The following TMEM178B variants were observed in gnomAD, a reference collection of about 807,000 sequenced individuals.
TMEM178B encodes the protein transmembrane protein 178B.
A neutral mutation model predicts 31.0 loss-of-function variants in TMEM178B; 5 were observed. The ratio of observed to expected loss-of-function variants is 0.16; its 90% CI spans 0.08 to 0.34. The LOEUF (loss-of-function observed/expected upper bound fraction) is 0.34. Ranked by LOEUF, TMEM178B falls within the 10% of genes least tolerant of loss-of-function variation. The pLI is 1.00. For synonymous variants in TMEM178B, 164 were observed against 164.0 expected (o/e 1.00, Z 0.00); for missense variants, 275 against 400.3 (o/e 0.69, Z 2.67).
chr7:141,287,235 C>G (rs1798460942), intron 2 of TMEM178B, among the ~76,000 whole-genome samples: 2 of 152,144 alleles, frequency 1.3e-5, no homozygotes, highest in Admixed American at 1.3e-4. Flanking sequence ...CATTTAGAGC[C>G]AAATTAGTGG....
At chr7:141,355,933 G>A (rs893748573) in intron 2 of TMEM178B, among the ~76,000 whole-genome samples, 5 of 152,076 alleles carry the variant, frequency 3.3e-5, no homozygotes, top group Admixed American at 1.3e-4. Context: ...TGTACCCAGC[G>A]TTCAGCTCCT....
intron 3 of TMEM178B, among the ~76,000 whole-genome samples, chr7:141,463,773 C>T (rs1407301553): frequency 6.6e-6 from 1 of 152,220 alleles, no homozygotes; most frequent in African/African-American, 2.4e-5. Context: ...AGACAGAATG[C>T]TCTCTAGTGT....
downstream of TMEM178B, among the ~76,000 whole-genome samples, chr7:141,483,527 T>C (rs1802511328): frequency 6.6e-6 from 1 of 152,126 alleles, no homozygotes; most frequent in Non-Finnish European, 1.5e-5. Context: ...CTTCCCCATA[T>C]AAATTGTGCC....
chr7:141,437,785 G>T, intron 3 of TMEM178B, 40 bp downstream of exon 3: 1 of 1,535,184 alleles, frequency 6.5e-7, no homozygotes. Context: ...CAGTGGACAG[G>T]GTCCTGTTTA....
At chr7:141,413,491 G>C (rs1030165383) in intron 2 of TMEM178B, among the ~76,000 whole-genome samples, 1 of 152,192 alleles carries the variant, frequency 6.6e-6, no homozygotes, top group Non-Finnish European at 1.5e-5. Flanking sequence ...GTCAATCATG[G>C]ACAGAGATGT....
intron 1 of TMEM178B, among the ~76,000 whole-genome samples, chr7:141,079,859 T>C (rs1253247227): frequency 2.0e-5 from 3 of 152,194 alleles, no homozygotes; most frequent in Non-Finnish European, 4.4e-5. Flanking sequence ...TTGAGGGAAC[T>C]GAGGCACAGA....
intron 2 of TMEM178B, among the ~76,000 whole-genome samples, chr7:141,314,356 T>A (rs1798965335): frequency 1.3e-5 from 2 of 152,194 alleles, no homozygotes; most frequent in South Asian, 4.1e-4. Flanking sequence ...TTGCAGGATG[T>A]TTATACTCTT....
chr7:141,267,997 G>A (rs1477826034), intron 2 of TMEM178B, among the ~76,000 whole-genome samples: 2 of 152,230 alleles, frequency 1.3e-5, no homozygotes, highest in African/African-American at 2.4e-5. Flanking sequence ...TTGTGGCTCT[G>A]TCTCCCATGC....
At position 141,078,943 on chromosome 7, in the gene TMEM178B, T is replaced by C. The variant is rs538867880; in HGVS notation, c.382+4251T>C. On this transcript the variant is annotated intron_variant, in intron 1 of 3. Transcript: ENST00000565468. ...AATCCCCTACAGCTATGCTGCCCAG[T>C]TGGGGAGCCACAACCCACATGTGGC... Among the ~76,000 whole-genome samples the C allele has an allele frequency of 1.8e-4, 27 of 152,184 alleles. No homozygotes were observed. In the South Asian group the frequency reaches 4.6e-3, roughly 26 times the overall value.
chr7:141,455,639 T>C (rs918634290), intron 3 of TMEM178B, among the ~76,000 whole-genome samples: 6 of 152,264 alleles, frequency 3.9e-5, no homozygotes, highest in Admixed American at 1.3e-4. Flanking sequence ...CCTTACAACG[T>C]TGCTTCGAGG....
At chr7:141,340,216 A>G (rs992902846) in intron 2 of TMEM178B, among the ~76,000 whole-genome samples, 2 of 152,252 alleles carry the variant, frequency 1.3e-5, no homozygotes, top group Admixed American at 6.5e-5. Context: ...ATTTGTCCCT[A>G]GAGCTTCCCG....
intron 2 of TMEM178B, among the ~76,000 whole-genome samples, chr7:141,273,676 G>C (rs1798221007): frequency 1.3e-5 from 2 of 151,266 alleles, no homozygotes. Context: ...GTGTGCCCTT[G>C]TATTTATTCT....
intron 1 of TMEM178B, among the ~76,000 whole-genome samples, chr7:141,140,552 T>C (rs971491864): frequency 6.6e-5 from 10 of 152,250 alleles, no homozygotes; most frequent in African/African-American, 2.4e-4. Context: ...TCAGTATTAA[T>C]GCAAGTTCAT....
At chr7:141,433,902 G>C (rs1206146482) in intron 2 of TMEM178B, among the ~76,000 whole-genome samples, 1 of 152,186 alleles carries the variant, frequency 6.6e-6, no homozygotes, top group Non-Finnish European at 1.5e-5. Flanking sequence ...AAATACACAG[G>C]CCTGGCCTCT....
chr7:141,351,007 A>T (rs145035194), intron 2 of TMEM178B, among the ~76,000 whole-genome samples: 1 of 152,188 alleles, frequency 6.6e-6, no homozygotes, highest in Non-Finnish European at 1.5e-5. Flanking sequence ...TTATTAGCAA[A>T]TATTACCTCC....
At chr7:141,337,002 TCAC>T (rs1251414959) in intron 2 of TMEM178B, among the ~76,000 whole-genome samples, 2 of 26,318 alleles carry the variant, frequency 7.6e-5, no homozygotes, top group Admixed American at 3.9e-4. Flanking sequence ...ACCATCATCA[TCAC>T]CACCACCACC....
chr7:141,172,246 C>T (rs1323397198), intron 1 of TMEM178B, among the ~76,000 whole-genome samples: 1 of 152,152 alleles, frequency 6.6e-6, no homozygotes, highest in East Asian at 1.9e-4. Flanking sequence ...TGAGAGTCTG[C>T]CAGATGCTAG....
chr7:141,135,303 C>T (rs1235034448), intron 1 of TMEM178B, among the ~76,000 whole-genome samples: 2 of 152,162 alleles, frequency 1.3e-5, no homozygotes, highest in Non-Finnish European at 2.9e-5. Context: ...ACACCCCACT[C>T]TCAGCATTGG....
In TMEM178B at chr7:141,128,772, G is replaced by A. The variant is rs966805558; in HGVS notation, c.382+54080G>A. Among the ~76,000 whole-genome samples the A allele has an allele frequency of 2.0e-5, 3 of 152,150 alleles. No homozygotes were observed. The East Asian group carries it at 5.8e-4, about 29-fold the overall frequency. Reference sequence around the variant, plus strand: ...TAAGAGAACAAAGAGTCATCTGTTGGATGTTCCTCTGGAGAGTAGAAGCCA... The same window carrying A: ...TAAGAGAACAAAGAGTCATCTGTTGAATGTTCCTCTGGAGAGTAGAAGCCA... On this transcript the variant is annotated intron_variant, in intron 1 of 3. Coordinates refer to ENST00000565468, the MANE Select transcript of TMEM178B (RefSeq NM_001195278.2).
Sources: gnomAD v4.1 joint callset for allele counts (sites outside exome capture counted in the v4.1 genomes callset) on GRCh38, gnomAD v4.1.1 for gene constraint, MANE v1.5 for transcripts, NCBI Gene and HGNC (gene_info 2026-07-23, HGNC 2026-07-21) for gene names.